PLXNA2: variants seen among roughly 807,000 people sequenced by gnomAD.
PLXNA2 encodes the protein plexin-A2.
A neutral mutation model predicts 193.5 loss-of-function variants in PLXNA2; 91 were observed. The observed-to-expected ratio is 0.47, with a 90% CI of 0.40 to 0.56. The LOEUF (loss-of-function observed/expected upper bound fraction) is 0.56, where lower values mean the gene tolerates loss of function less well. PLXNA2 is among the 20% of genes least tolerant of loss of function. The pLI is 0.00. For synonymous variants in PLXNA2, 997 were observed against 1,027.3 expected, an observed-to-expected ratio of 0.97 and a Z score of 0.56; for missense variants, 1,995 against 2,503.2, an observed-to-expected ratio of 0.80 and a Z score of 4.33.
intron 3 of PLXNA2, among the ~76,000 whole-genome samples, chr1:208,191,033 G>A (rs562013245): frequency 6.6e-6 from 1 of 152,216 alleles, no homozygotes; most frequent in Non-Finnish European, 1.5e-5. Flanking sequence ...TATGAGCTAA[G>A]TGAGGCTAAA....
chr1:208,140,032 C>T (rs1668417036), intron 4 of PLXNA2, among the ~76,000 whole-genome samples: 1 of 152,222 alleles, frequency 6.6e-6, no homozygotes, highest in Non-Finnish European at 1.5e-5. Flanking sequence ...AGAGGCAGCC[C>T]ATGGCATGAA....
intron 17 of PLXNA2, among the ~76,000 whole-genome samples, chr1:208,049,585 A>G (rs2102331930): frequency 1.3e-5 from 2 of 152,308 alleles, no homozygotes; most frequent in Middle Eastern, 6.8e-3. Context: ...TGTCAAGCCC[A>G]CCAGCATTTC....
chr1:208,153,295 G>A (rs1427694267), intron 3 of PLXNA2, among the ~76,000 whole-genome samples: 1 of 152,206 alleles, frequency 6.6e-6, no homozygotes, highest in Non-Finnish European at 1.5e-5. Context: ...CTAAGGCTGA[G>A]ATGAGGAAAC....
chr1:208,165,113 A>G (rs1412596080), intron 3 of PLXNA2, among the ~76,000 whole-genome samples: 3 of 152,090 alleles, frequency 2.0e-5, no homozygotes, highest in African/African-American at 7.2e-5. Context: ...AGGCCTGGGG[A>G]GCCATGTAGC....
At chr1:208,212,025 G>A (rs1271343040) in intron 2 of PLXNA2, among the ~76,000 whole-genome samples, 1 of 152,192 alleles carries the variant, frequency 6.6e-6, no homozygotes, top group Non-Finnish European at 1.5e-5. Context: ...TGTGGCAAAG[G>A]CTGCAGGCTC....
chr1:208,133,982 A>C (rs1668231573), intron 4 of PLXNA2, among the ~76,000 whole-genome samples: 1 of 152,232 alleles, frequency 6.6e-6, no homozygotes, highest in Non-Finnish European at 1.5e-5. Flanking sequence ...ATCCTTCAGC[A>C]ATACCTATCT....
rs933918184 is a variant in PLXNA2 at position 208,069,683 on chromosome 1, G to A, written c.2587-8846C>T. 2.0e-5 allele frequency among the ~76,000 whole-genome samples: 3 copies of A among 152,154 alleles called. No homozygotes were observed. In the South Asian group the frequency reaches 6.2e-4, roughly 32 times the overall value. On this transcript the variant is annotated intron_variant, in intron 12 of 31. Transcript: ENST00000367033. ...GGTTGGGGCCAACTTCAGAGTAGGG[G>A]CTTATCGGGGCAGAGGAGCTTGGTG...
intron 3 of PLXNA2, among the ~76,000 whole-genome samples, chr1:208,204,465 T>C (rs1670651808): frequency 6.6e-6 from 1 of 152,170 alleles, no homozygotes; most frequent in African/African-American, 2.4e-5. Flanking sequence ...ACTCCTTTCC[T>C]GTTACCCACC....
chr1:208,111,627 C>T (rs886810094), intron 4 of PLXNA2, among the ~76,000 whole-genome samples: 1 of 152,122 alleles, frequency 6.6e-6, no homozygotes, highest in Non-Finnish European at 1.5e-5. Context: ...ATCTCTGGGG[C>T]TCATCAGGAA....
intron 5 of PLXNA2, among the ~76,000 whole-genome samples, chr1:208,099,893 T>C (rs1367464463): frequency 6.6e-6 from 1 of 151,872 alleles, no homozygotes; most frequent in Non-Finnish European, 1.5e-5. Flanking sequence ...TACAGCACTG[T>C]GGGATGCTGA....
intron 2 of PLXNA2, among the ~76,000 whole-genome samples, chr1:208,213,606 G>C (rs988939141): frequency 3.3e-5 from 5 of 152,182 alleles, no homozygotes; most frequent in Non-Finnish European, 5.9e-5. Flanking sequence ...TCTGGGATCA[G>C]AGCTCAAATT....
chr1:208,056,793 C>T (rs1665446804), intron 13 of PLXNA2, among the ~76,000 whole-genome samples: 1 of 152,114 alleles, frequency 6.6e-6, no homozygotes, highest in East Asian at 1.9e-4. Context: ...AGCCGAGCCC[C>T]CTTCTCAGCT....
chr1:208,100,888 C>T (rs974434600), intron 5 of PLXNA2, among the ~76,000 whole-genome samples: 2 of 152,174 alleles, frequency 1.3e-5, no homozygotes, highest in Non-Finnish European at 2.9e-5. Context: ...CATGGAAACC[C>T]GCTCCACGGC....
chr1:208,130,883 C>T (rs552496375), intron 4 of PLXNA2, among the ~76,000 whole-genome samples: 23 of 152,260 alleles, frequency 1.5e-4, no homozygotes, highest in African/African-American at 5.5e-4. Flanking sequence ...TGAGAAAAAG[C>T]CCCCCACATA....
At chr1:208,093,697 A>G (rs1248196008) in intron 8 of PLXNA2, among the ~76,000 whole-genome samples, 1 of 152,216 alleles carries the variant, frequency 6.6e-6, no homozygotes, top group Admixed American at 6.5e-5. Flanking sequence ...CCACTCCCCC[A>G]GGCATGGAAC....
At position 208,183,607 on chromosome 1, in the gene PLXNA2, A is replaced by C. The variant is rs113546815; in HGVS notation, c.1371+26673T>G. Among the ~76,000 whole-genome samples, 39 of 105,278 alleles carry C rather than the reference A, an allele frequency of 3.7e-4. No individual in the cohort carries two copies. The East Asian group carries it at 6.9e-3, about 19-fold the overall frequency. The allele number at this position is 105,278 out of a possible 152,430, so 69.1% of individuals were successfully genotyped here. On this transcript the variant is annotated intron_variant, in intron 3 of 31. Coordinates refer to ENST00000367033, the MANE Select transcript of PLXNA2 (RefSeq NM_025179.4). ...CCAGAGCCAGGTGCCAGAGAGGGAG[A>C]GGGGGGGGTCTTTGGGGGTGGGGGA...
intron 17 of PLXNA2, among the ~76,000 whole-genome samples, chr1:208,047,002 C>G (rs2785624): frequency 0.14 from 21,623 of 152,014 alleles, 1,983 homozygotes; most frequent in East Asian, 0.3. Context: ...GTTCTGTTGC[C>G]CAGGCTGGAG....
At chr1:208,048,863 C>T (rs538286762) in intron 17 of PLXNA2, among the ~76,000 whole-genome samples, 16 of 152,326 alleles carry the variant, frequency 1.1e-4, no homozygotes, top group African/African-American at 3.8e-4. Context: ...GGGAATGTCC[C>T]TCCCAGGGCA....
chr1:208,034,441 G>T, intron 27 of PLXNA2, 52 bp downstream of exon 27: 2 of 1,173,438 alleles, frequency 1.7e-6, no homozygotes, highest in South Asian at 1.2e-5. Flanking sequence ...GGCCCTGCTA[G>T]GTCTCAGAAG....
Sources: gnomAD v4.1 joint callset for allele counts (sites outside exome capture counted in the v4.1 genomes callset) on GRCh38, gnomAD v4.1.1 for gene constraint, MANE v1.5 for transcripts, NCBI Gene and HGNC (gene_info 2026-07-23, HGNC 2026-07-21) for gene names.